Variants in FIG4 observed in about 807,000 individuals in gnomAD.
FIG4 encodes FIG4 phosphoinositide 5-phosphatase.
FIG4 carries 112 observed loss-of-function variants against 118.6 expected under a neutral mutation model. The observed-to-expected ratio is 0.94, with a 90% CI of 0.81 to 1.11. The LOEUF is 1.11. Ranked by LOEUF, FIG4 falls within the 50% of genes least tolerant of loss-of-function variation. The pLI is 0.00. For missense variants in FIG4, 969 were observed against 1,111.7 expected, an observed-to-expected ratio of 0.87 and a Z score of 1.83; for synonymous variants, 369 against 381.2, an observed-to-expected ratio of 0.97 and a Z score of 0.37.
intron 6 of FIG4, among the ~76,000 whole-genome samples, chr6:109,736,165 C>T (rs573826464): frequency 6.6e-6 from 1 of 152,148 alleles, no homozygotes; most frequent in South Asian, 2.1e-4. Flanking sequence ...TTGCTCTGTG[C>T]AACTTAAATG....
At position 109,812,418 on chromosome 6, in the gene FIG4, G is replaced by A. The variant is rs78887875; in HGVS notation, c.2547-12670G>A. On this transcript the variant is annotated intron_variant, in intron 22 of 22. Transcript: ENST00000230124. ...GCTGTTACTCTGAACTCATCCAGAA[G>A]GTTTTAAGTAGAGAGCTGCATCTCT... 6.5e-4 allele frequency among the ~76,000 whole-genome samples: 99 copies of A among 152,270 alleles called. 1 individual carries two copies. In the East Asian group the frequency reaches 0.017, roughly 26 times the overall value.
rs114219763 is a variant in FIG4 at position 109,738,277 on chromosome 6, C to G, written c.647-48C>G. The G allele has an allele frequency of 9.3e-6, 14 of 1,500,520 alleles. 1 individual carries two copies. The Middle Eastern group carries it at 2.5e-3, about 263-fold the overall frequency. 93.0% of individuals were successfully genotyped at this position (1,500,520 alleles called of 1,614,324 possible). On this transcript the variant is annotated intron_variant, in intron 6 of 22. Coordinates refer to ENST00000230124, the MANE Select transcript of FIG4 (RefSeq NM_014845.6). ...ATACCAACCTTTTTTTTAATTGATA[C>G]AAAATATTTTGTGTATTTATGGACT...
At chr6:109,698,178 G>C (rs941023577) in intron 1 of FIG4, among the ~76,000 whole-genome samples, 4 of 151,472 alleles carry the variant, frequency 2.6e-5, no homozygotes, top group South Asian at 2.1e-4. Flanking sequence ...TTGAGCCACC[G>C]TGCCTGGCCT....
In FIG4 at chr6:109,796,765, A is replaced by G; in HGVS notation, c.2460A>G (p.Arg820=). The G allele has an allele frequency of 1.3e-6, 2 of 1,596,474 alleles. No homozygotes were observed. Among genetic ancestry groups the G allele is most frequent in the Non-Finnish European group, 1.7e-6 (2 of 1,163,908 alleles). The change falls in exon 22 of 23, where the codon AGA becomes AGG. Residue 820 remains arginine (R), a splice_region_variant and synonymous_variant. Coordinates refer to ENST00000230124, the MANE Select transcript of FIG4 (RefSeq NM_014845.6). The part of the protein sequence containing the change: ...LSEEDFSIYS[R]FVQLGQSQHK... ...GACTCTTATCCATTGTAATTTGTAG[A>G]TTTGTTCAGCTGGGGCAGAGTCAAC...
chr6:109,714,319 G>A (rs1466259407), intron 1 of FIG4, among the ~76,000 whole-genome samples: 2 of 152,148 alleles, frequency 1.3e-5, no homozygotes, highest in Non-Finnish European at 1.5e-5. Flanking sequence ...CAGCTTCTGT[G>A]TCTTCCCTCC....
intron 22 of FIG4, among the ~76,000 whole-genome samples, chr6:109,822,651 C>T (rs1779035664): frequency 6.6e-6 from 1 of 151,612 alleles, no homozygotes. Context: ...GCTCCAAACC[C>T]CATATGCTCA....
At chr6:109,801,659 C>G (rs1025448780) in intron 22 of FIG4, among the ~76,000 whole-genome samples, 2 of 152,160 alleles carry the variant, frequency 1.3e-5, no homozygotes, top group Admixed American at 1.3e-4. Flanking sequence ...GTGAATGCCC[C>G]TCGGTGTGGG....
In FIG4 at chr6:109,693,599, G is replaced by A. The variant is rs576990339; in HGVS notation, c.66+2098G>A. Among the ~76,000 whole-genome samples, 417 of 152,296 alleles carry A rather than the reference G, an allele frequency of 2.7e-3. 1 individual carries two copies. The highest frequency in any genetic ancestry group is 4.6e-3 in the Non-Finnish European group (313 of 68,022). ...TGCATGGTATCCAGCTTCTGGAAAA[G>A]CAGGAAAGAGATAACAGGTTTGAGA... On this transcript the variant is annotated intron_variant, in intron 1 of 22. Transcript: ENST00000230124.
chr6:109,822,956 A>G (rs1217104317), intron 22 of FIG4, among the ~76,000 whole-genome samples: 1 of 151,780 alleles, frequency 6.6e-6, no homozygotes, highest in South Asian at 2.1e-4. Flanking sequence ...ATGCATACAC[A>G]TTATTTTTTA....
At chr6:109,767,866 C>T (rs375430237) in intron 15 of FIG4, among the ~76,000 whole-genome samples, 2 of 152,014 alleles carry the variant, frequency 1.3e-5, no homozygotes, top group East Asian at 3.9e-4. Context: ...AGCAAGACTC[C>T]ATCTCGGAAA....
intron 22 of FIG4, among the ~76,000 whole-genome samples, chr6:109,811,297 A>G (rs2503764): frequency 3.9e-5 from 6 of 152,148 alleles, no homozygotes; most frequent in African/African-American, 1.4e-4. Context: ...GCTATTGACA[A>G]TGACCTGTAA....
At chr6:109,727,842 A>G (rs570113184) in intron 4 of FIG4, among the ~76,000 whole-genome samples, 1 of 152,186 alleles carries the variant, frequency 6.6e-6, no homozygotes, top group Non-Finnish European at 1.5e-5. Flanking sequence ...ATACCACTGG[A>G]CTTCCTGCAA....
chr6:109,756,002 T>C (rs1180542927), intron 10 of FIG4, among the ~76,000 whole-genome samples: 2 of 152,222 alleles, frequency 1.3e-5, no homozygotes, highest in African/African-American at 4.8e-5. Flanking sequence ...GTTATTTTGC[T>C]CGTTAGTTGA....
intron 4 of FIG4, among the ~76,000 whole-genome samples, chr6:109,732,123 G>T (rs1324444427): frequency 6.6e-6 from 1 of 152,150 alleles, no homozygotes; most frequent in Non-Finnish European, 1.5e-5. Flanking sequence ...TTTTTAAATT[G>T]TTCGTTATTT....
At chr6:109,719,876 A>G (rs968622786) in intron 3 of FIG4, among the ~76,000 whole-genome samples, 4 of 152,118 alleles carry the variant, frequency 2.6e-5, no homozygotes, top group African/African-American at 9.7e-5. Flanking sequence ...TAATCTATTG[A>G]TAACCAAGCT....
chr6:109,738,468 GA>G lies in FIG4; in HGVS notation c.775+20del, dbSNP rs201801952. The G allele has an allele frequency of 2.1e-5, 33 of 1,607,972 alleles. No homozygotes were observed. The East Asian group carries it at 7.4e-4, about 36-fold the overall frequency. On this transcript the variant is annotated intron_variant, in intron 7 of 22. Coordinates refer to ENST00000230124, the MANE Select transcript of FIG4 (RefSeq NM_014845.6). The stretch of plus-strand genomic sequence containing the variant: ...TGGGCAGTCAAGTATCCTTTCTGAA[GA>G]AAAAGTAAGATACATATTACTAAAC...
intron 1 of FIG4, among the ~76,000 whole-genome samples, chr6:109,695,595 CACACAG>C (rs1286540199): frequency 1.3e-5 from 2 of 150,084 alleles, no homozygotes; most frequent in African/African-American, 4.9e-5. Flanking sequence ...CACACACACA[CACACAG>C]ACACACACAC....
chr6:109,768,435 A>G (rs1777347692), intron 15 of FIG4, among the ~76,000 whole-genome samples: 1 of 152,238 alleles, frequency 6.6e-6, no homozygotes, highest in Non-Finnish European at 1.5e-5. Context: ...CAACTGTATT[A>G]GTTTTCTGCG....
intron 15 of FIG4, among the ~76,000 whole-genome samples, chr6:109,773,506 C>T (rs868242640): frequency 6.6e-6 from 1 of 152,146 alleles, no homozygotes; most frequent in Admixed American, 6.5e-5. Flanking sequence ...ATTCTCCCTG[C>T]ATTATTTCTT....
Sources: allele counts gnomAD v4.1 joint callset (sites outside exome capture counted in the v4.1 genomes callset), GRCh38; gene constraint gnomAD v4.1.1; transcripts MANE v1.5; gene names NCBI Gene and HGNC (gene_info 2026-07-23, HGNC 2026-07-21).